The following SLC2A13 variants were observed in gnomAD, a reference collection of about 807,000 sequenced individuals.
SLC2A13 encodes the protein proton myo-inositol cotransporter.
SLC2A13 carries 32 observed loss-of-function variants against 64.4 expected under a neutral mutation model. The observed-to-expected ratio is 0.50, with a 90% confidence interval of 0.37 to 0.67. The LOEUF (loss-of-function observed/expected upper bound fraction) is 0.67. Among genes scored for constraint, SLC2A13 ranks in the 30% least tolerant of loss-of-function variants. The pLI is 0.00. For synonymous variants in SLC2A13, 338 were observed against 327.1 expected (o/e 1.03, Z -0.36); for missense variants, 743 against 829.2 (o/e 0.90, Z 1.28).
chr12:39,803,204 C>T (rs1001244395), intron 7 of SLC2A13, among the ~76,000 whole-genome samples: 1 of 73,738 alleles, frequency 1.4e-5, no homozygotes, highest in Non-Finnish European at 3.1e-5. Context: ...GAAGCAAATG[C>T]AAAAAAAAAA....
intron 3 of SLC2A13, among the ~76,000 whole-genome samples, chr12:39,975,369 T>G (rs1442631158): frequency 6.6e-6 from 1 of 152,232 alleles, no homozygotes; most frequent in African/African-American, 2.4e-5. Flanking sequence ...ACGTACATTC[T>G]TTTAAGACAA....
chr12:39,832,183 A>G (rs1942871361), intron 6 of SLC2A13, among the ~76,000 whole-genome samples: 1 of 152,144 alleles, frequency 6.6e-6, no homozygotes, highest in South Asian at 2.1e-4. Flanking sequence ...AGACAACTGA[A>G]GGCTTTAGAA....
At chr12:40,040,746 A>C (rs1948073530) in intron 2 of SLC2A13, among the ~76,000 whole-genome samples, 1 of 152,150 alleles carries the variant, frequency 6.6e-6, no homozygotes, top group Non-Finnish European at 1.5e-5. Context: ...TGTTATCTAA[A>C]TCTATCATTC....
At chr12:40,038,051 T>G (rs1042603094) in intron 2 of SLC2A13, among the ~76,000 whole-genome samples, 2 of 152,228 alleles carry the variant, frequency 1.3e-5, no homozygotes, top group African/African-American at 4.8e-5. Context: ...TTTAATTTGC[T>G]CCTATTATTC....
intron 4 of SLC2A13, among the ~76,000 whole-genome samples, chr12:39,939,864 A>G (rs1409760785): frequency 1.3e-5 from 2 of 152,182 alleles, no homozygotes; most frequent in Non-Finnish European, 2.9e-5. Flanking sequence ...TTGAAACTCC[A>G]TGAAACTCCA....
rs540181805 is a variant in SLC2A13, at chr12:40,080,022, C to T, written c.556+25231G>A. On this transcript the variant is annotated intron_variant, in intron 1 of 9. Coordinates refer to ENST00000280871, the MANE Select transcript of SLC2A13 (RefSeq NM_052885.4). ...GGTACAGCTGTACACCACCACACCT[C>T]GCTAATTTTTTGCATTCTTAGTAGA... is the stretch of plus-strand genomic sequence containing the variant. Among the ~76,000 whole-genome samples, 169 of 152,178 alleles carry T rather than the reference C, an allele frequency of 1.1e-3. 2 individuals carry two copies. Among genetic ancestry groups the T allele is most frequent in the Non-Finnish European group, 1.7e-3 (116 of 67,984 alleles).
chr12:40,070,746 G>A (rs1024756814), intron 1 of SLC2A13, among the ~76,000 whole-genome samples: 2 of 152,028 alleles, frequency 1.3e-5, no homozygotes, highest in African/African-American at 4.8e-5. Context: ...CTTCTGTTGT[G>A]ACCATCCTAG....
chr12:40,092,334 T>C (rs1010394511), intron 1 of SLC2A13, among the ~76,000 whole-genome samples: 6 of 152,330 alleles, frequency 3.9e-5, no homozygotes, highest in African/African-American at 1.4e-4. Flanking sequence ...GTTTTAATTA[T>C]CACAATTTGG....
chr12:39,981,555 C>T (rs1946899461), intron 3 of SLC2A13, among the ~76,000 whole-genome samples: 1 of 148,784 alleles, frequency 6.7e-6, no homozygotes, highest in Non-Finnish European at 1.5e-5. Context: ...CACCTCTACG[C>T]AAATAAACTA....
At chr12:40,070,301 TCA>T (rs1937904938) in intron 1 of SLC2A13, among the ~76,000 whole-genome samples, 1 of 152,108 alleles carries the variant, frequency 6.6e-6, no homozygotes, top group South Asian at 2.1e-4. Flanking sequence ...TGAACATTTA[TCA>T]GTCACCAACT....
intron 3 of SLC2A13, among the ~76,000 whole-genome samples, chr12:39,980,131 T>G (rs1177433132): frequency 6.6e-6 from 1 of 150,720 alleles, no homozygotes; most frequent in Non-Finnish European, 1.5e-5. Context: ...GCTGAGAGAT[T>G]TTGTCACCAC....
chr12:40,077,425 T>G (rs1938220310), intron 1 of SLC2A13, among the ~76,000 whole-genome samples: 1 of 152,194 alleles, frequency 6.6e-6, no homozygotes, highest in African/African-American at 2.4e-5. Flanking sequence ...TCCCCATTGC[T>G]TGTTATTGTC....
At chr12:40,030,993 T>C in intron 2 of SLC2A13, among the ~76,000 whole-genome samples, 1 of 152,336 alleles carries the variant, frequency 6.6e-6, no homozygotes, top group South Asian at 2.1e-4. Flanking sequence ...AAATGTTTTA[T>C]ACGTTTGTAT....
At chr12:39,858,763 C>T (rs952106336) in intron 6 of SLC2A13, among the ~76,000 whole-genome samples, 1 of 152,066 alleles carries the variant, frequency 6.6e-6, no homozygotes, top group African/African-American at 2.4e-5. Context: ...CCTGCCACCA[C>T]ACTTGGCTAA....
At chr12:39,884,380 T>C (rs1944420782) in intron 4 of SLC2A13, among the ~76,000 whole-genome samples, 1 of 152,202 alleles carries the variant, frequency 6.6e-6, no homozygotes, top group Non-Finnish European at 1.5e-5. Context: ...TTCGCCAAAC[T>C]TCGTATTTTC....
At chr12:40,059,852 A>G (rs750954780) in intron 1 of SLC2A13, among the ~76,000 whole-genome samples, 2 of 152,156 alleles carry the variant, frequency 1.3e-5, no homozygotes, top group Non-Finnish European at 2.9e-5. Context: ...CCAAGGGTAT[A>G]GGGAGGATGC....
intron 7 of SLC2A13, among the ~76,000 whole-genome samples, chr12:39,765,134 C>T (rs1940301818): frequency 6.6e-6 from 1 of 152,034 alleles, no homozygotes; most frequent in Non-Finnish European, 1.5e-5. Flanking sequence ...CTGGAAGCTG[C>T]AGTAACACTT....
chr12:39,882,795 TC>T (rs1396257096), intron 4 of SLC2A13, among the ~76,000 whole-genome samples: 2 of 152,230 alleles, frequency 1.3e-5, no homozygotes, highest in African/African-American at 4.8e-5. Context: ...GAATTATTAC[TC>T]TTTCCTTCTA....
At chr12:39,787,791 T>G (rs1178508784) in intron 7 of SLC2A13, among the ~76,000 whole-genome samples, 1 of 152,190 alleles carries the variant, frequency 6.6e-6, no homozygotes, top group African/African-American at 2.4e-5. Context: ...CTGGGAGACC[T>G]ACTTTTAATT....
Sources: allele counts gnomAD v4.1 joint callset (sites outside exome capture counted in the v4.1 genomes callset), GRCh38; gene constraint gnomAD v4.1.1; transcripts MANE v1.5; gene names NCBI Gene and HGNC (gene_info 2026-07-23, HGNC 2026-07-21).